Variants in CRX observed in about 807,000 individuals in gnomAD.
The protein encoded by CRX is cone-rod homeobox.
CRX carries 5 observed loss-of-function variants against 13.1 expected under a neutral mutation model. The ratio of observed to expected loss-of-function variants is 0.38; its 90% CI spans 0.20 to 0.80. The LOEUF (loss-of-function observed/expected upper bound fraction) is 0.80, where lower values mean the gene tolerates loss of function less well. CRX is among the 30% of genes least tolerant of loss of function. CRX has a pLI of 0.43. For synonymous variants in CRX, 179 were observed against 171.1 expected, an observed-to-expected ratio of 1.05 and a Z score of -0.36; for missense variants, 351 against 391.8, an observed-to-expected ratio of 0.90 and a Z score of 0.88.
intron 1 of CRX, among the ~76,000 whole-genome samples, chr19:47,823,517 C>G (rs1490139110): frequency 6.6e-6 from 1 of 152,166 alleles, no homozygotes; most frequent in South Asian, 2.1e-4. Flanking sequence ...CCACCCAGCT[C>G]CTTGTCCCCG....
Position 47,839,306 on chromosome 19 carries a change from C to T in CRX, c.253-14C>T, listed in dbSNP as rs1381432207. 1 of 1,612,222 alleles carries T rather than the reference C, an allele frequency of 6.2e-7. No individual in the cohort carries two copies. Among genetic ancestry groups the T allele is most frequent in the East Asian group, 2.2e-5 (1 of 44,856 alleles). ...CCCCACTTACCCACCCCCATCTCCG[C>T]TCTTATCCCCCAGGTTTGGTTCAAG... On this transcript the variant is annotated splice_polypyrimidine_tract_variant and intron_variant, in intron 3 of 3. Coordinates refer to ENST00000221996, the MANE Select transcript of CRX (RefSeq NM_000554.6). This position sits in a 1 kb window ranked among gnomAD's most constrained non-coding sequence, Gnocchi z 4.6.
At chr19:47,837,713 GATGT>G (rs1968135186) in intron 3 of CRX, among the ~76,000 whole-genome samples, 4 of 152,226 alleles carry the variant, frequency 2.6e-5, no homozygotes, top group South Asian at 2.1e-4. Flanking sequence ...ATGCATGTAT[GATGT>G]ATGTGTGTAT....
chr19:47,831,347 G>A (rs4439871), intron 1 of CRX, among the ~76,000 whole-genome samples: 73,348 of 148,256 alleles, frequency 0.49, 18,826 homozygotes, highest in Middle Eastern at 0.62. Flanking sequence ...ATCAAATACA[G>A]GTACAGTCCC....
chr19:47,834,404 T>A lies in CRX; in HGVS notation c.-35-5T>A, dbSNP rs993700377. On this transcript the variant is annotated splice_polypyrimidine_tract_variant and splice_region_variant and intron_variant, in intron 1 of 3. Transcript: ENST00000221996. ...TGAGTGAGCATCCCTCCTCTTCTCT[T>A]GCAGGCCCCCTGACTTGGGCCTCAG... The A allele has an allele frequency of 2.0e-6, 3 of 1,471,052 alleles. No homozygotes were observed. The highest frequency in any genetic ancestry group is 1.9e-6 in the Non-Finnish European group (2 of 1,049,624). The allele number at this position is 1,471,052 out of a possible 1,614,324, so 91.1% of individuals were successfully genotyped here.
chr19:47,836,286 G>C lies in CRX; in HGVS notation c.144G>C (p.Arg48=). Residue 48 remains arginine, a synonymous_variant, in exon 3 of 4, where the codon CGG becomes CGC. Transcript: ENST00000221996. The part of the protein sequence containing the change: ...KQRRERTTFT[R]SQLEELEALF... ...GGCGGGAGCGCACCACCTTCACCCG[G>C]AGCCAACTGGAGGAGCTGGAGGCAC... 6.2e-7 allele frequency: 1 copy of C among 1,614,176 alleles called. No individual in the cohort carries two copies. The highest frequency in any genetic ancestry group is 8.5e-7 in the Non-Finnish European group (1 of 1,180,024).
chr19:47,836,219 G>A, intron 2 of CRX, 24 bp from the exon 3 acceptor site: 1 of 1,613,978 alleles, frequency 6.2e-7, no homozygotes, highest in Non-Finnish European at 8.5e-7. Context: ...TGACCTGAGG[G>A]TCCTGTTTCC....
intron 1 of CRX, among the ~76,000 whole-genome samples, chr19:47,832,819 A>T (rs905634339): frequency 2.0e-5 from 3 of 151,850 alleles, no homozygotes; most frequent in Non-Finnish European, 4.4e-5. Flanking sequence ...TTTTCCAACA[A>T]GGCGACTGAG....
intron 1 of CRX, among the ~76,000 whole-genome samples, chr19:47,823,681 A>C (rs1599965740): frequency 7.6e-6 from 1 of 131,232 alleles, no homozygotes. Context: ...ACGGAGTCTC[A>C]CTCTGTGGCC....
At chr19:47,828,612 A>AGTGT (rs113277135) in intron 1 of CRX, among the ~76,000 whole-genome samples, 28 of 149,558 alleles carry the variant, frequency 1.9e-4, no homozygotes, top group Non-Finnish European at 2.5e-4. Flanking sequence ...GGAGGTAGGG[A>AGTGT]GCGTGTGTGT....
At position 47,839,395 on chromosome 19, in the gene CRX, G is replaced by T; in HGVS notation, c.328G>T (p.Gly110Cys). 1 of 1,613,702 alleles carries T rather than the reference G, an allele frequency of 6.2e-7. No homozygotes were observed. Among genetic ancestry groups the T allele is most frequent in the Non-Finnish European group, 8.5e-7 (1 of 1,179,838 alleles). ...QQKQQQQPPG[G>C]QAKARPAKRK... Reference sequence around the variant, plus strand: ...GAAACAGCAGCAGCAGCCCCCAGGGGGCCAGGCCAAGGCCCGGCCTGCCAA... The same window carrying T: ...GAAACAGCAGCAGCAGCCCCCAGGGTGCCAGGCCAAGGCCCGGCCTGCCAA... The change falls in exon 4 of 4, where the codon GGC (glycine) becomes TGC (cysteine). Residue 110 changes from glycine (G) to cysteine (C), a missense_variant. Gly to Cys is a radical substitution (Grantham distance 159). Around this residue, in one of 3 missense-constraint regions of CRX, gnomAD observed 253 missense variants for 268.3 expected, o/e 0.94. Transcript: ENST00000221996. The surrounding 1 kb of genome is among the most constrained non-coding windows in gnomAD (Gnocchi z 4.6).
Position 47,840,284 on chromosome 19 carries a change from T to G in CRX, c.*317T>G, listed in dbSNP as rs1025043894. On this transcript the variant is annotated 3_prime_UTR_variant, in exon 4 of 4. Coordinates refer to ENST00000221996, the MANE Select transcript of CRX (RefSeq NM_000554.6). The stretch of plus-strand genomic sequence containing the variant: ...GCTGAGAACTTGCTCCAAGAAGAAG[T>G]CAAACCAAACTTGCAGTTGATTTGG... 2 of 352,790 alleles carry G rather than the reference T, an allele frequency of 5.7e-6. No individual in the cohort carries two copies. Among genetic ancestry groups the G allele is most frequent in the Non-Finnish European group, 1.1e-5 (2 of 189,118 alleles). The allele number at this position is 352,790 out of a possible 1,614,324, so 21.9% of individuals were successfully genotyped here.
rs936709261 is a variant in CRX, at chr19:47,839,757, G to T, written c.690G>T (p.Gly230=). Residue 230 remains glycine (G), a synonymous_variant, in exon 4 of 4, where the codon GGG becomes GGT. Transcript: ENST00000221996. This position sits in a 1 kb window ranked among gnomAD's most constrained non-coding sequence, Gnocchi z 4.6. ...TTTCTCCCATGGTGCCCCAGCTAGG[G>T]GGCCCGGCTCTTAGCCCCCTCTCTG... The part of the protein sequence containing the change: ...PYLSPMVPQL[G]GPALSPLSGP... The T allele has an allele frequency of 9.9e-6, 16 of 1,613,954 alleles. No individual in the cohort carries two copies. The highest frequency in any genetic ancestry group is 3.3e-5 in the Admixed American group (2 of 59,976).
intron 1 of CRX, among the ~76,000 whole-genome samples, chr19:47,829,514 A>G (rs1195626698): frequency 6.6e-6 from 1 of 151,818 alleles, no homozygotes; most frequent in Non-Finnish European, 1.5e-5. Flanking sequence ...TATTTTTAGT[A>G]GAGACAGGGT....
At chr19:47,836,664 A>G (rs1166920786) in intron 3 of CRX, among the ~76,000 whole-genome samples, 1 of 152,100 alleles carries the variant, frequency 6.6e-6, no homozygotes, top group Non-Finnish European at 1.5e-5. Flanking sequence ...TGGAATGCTT[A>G]TTTCCAGATA....
intron 1 of CRX, among the ~76,000 whole-genome samples, chr19:47,824,656 T>C (rs1203021814): frequency 6.6e-6 from 1 of 152,066 alleles, no homozygotes; most frequent in Non-Finnish European, 1.5e-5. Context: ...CGCTGTAGAA[T>C]GGAGTTATCT....
At chr19:47,834,781 G>C (rs997584552) in intron 2 of CRX, among the ~76,000 whole-genome samples, 1 of 152,146 alleles carries the variant, frequency 6.6e-6, no homozygotes, top group Non-Finnish European at 1.5e-5. Flanking sequence ...GGGGAATCAA[G>C]AGGAATTTTC....
intron 1 of CRX, among the ~76,000 whole-genome samples, chr19:47,830,971 C>T (rs1210245277): frequency 6.6e-6 from 1 of 151,958 alleles, no homozygotes; most frequent in Non-Finnish European, 1.5e-5. Flanking sequence ...AACCAAACTT[C>T]CTGGGGTTAC....
intron 1 of CRX, among the ~76,000 whole-genome samples, chr19:47,833,111 C>CT (rs375689042): frequency 4.6e-5 from 4 of 87,282 alleles, no homozygotes; most frequent in Non-Finnish European, 9.3e-5. Flanking sequence ...ATTTCTTTTT[C>CT]TTTTTTTCAG....
At chr19:47,833,430 C>T (rs536396187) in intron 1 of CRX, among the ~76,000 whole-genome samples, 7 of 151,846 alleles carry the variant, frequency 4.6e-5, no homozygotes, top group African/African-American at 1.7e-4. Flanking sequence ...TACAGGCACC[C>T]GCCACCACAC....
Sources: allele counts gnomAD v4.1 joint callset (sites outside exome capture counted in the v4.1 genomes callset), GRCh38; gene constraint gnomAD v4.1.1; regional missense constraint gnomAD v4.1.1; non-coding constraint Gnocchi (gnomAD v3.1); transcripts MANE v1.5; gene names NCBI Gene and HGNC (gene_info 2026-07-23, HGNC 2026-07-21).